The following RXYLT1 variants were observed in gnomAD, a reference collection of about 807,000 sequenced individuals.
RXYLT1 encodes the protein ribitol xylosyltransferase 1, also known as ribitol-5-phosphate xylosyltransferase 1.
Under a neutral mutation model 43.5 loss-of-function variants are expected in RXYLT1, and 41 were observed. That is an observed-to-expected ratio of 0.94 (90% CI 0.73 to 1.22). RXYLT1 has a LOEUF of 1.22. RXYLT1 is among the 50% of genes most tolerant of loss of function. The pLI is 0.00. For missense variants in RXYLT1, 514 were observed against 532.0 expected, an observed-to-expected ratio of 0.97 and a Z score of 0.33; for synonymous variants, 166 against 194.4, an observed-to-expected ratio of 0.85 and a Z score of 1.21.
intron 1 of RXYLT1, chr12:63,780,332 C>G: frequency 7.7e-7 from 1 of 1,292,228 alleles, no homozygotes; most frequent in South Asian, 2.7e-5. Flanking sequence ...ATCTCACACG[C>G]CGTCCCCGCT....
At chr12:63,795,688 A>T (rs1483122700) in intron 3 of RXYLT1, 5 of 152,094 alleles carry the variant, frequency 3.3e-5, no homozygotes, top group African/African-American at 1.2e-4. Flanking sequence ...AAAATGTATA[A>T]TAATTGAACC....
chr12:63,794,468 T>G (rs1397076225), intron 3 of RXYLT1, among the ~76,000 whole-genome samples: 2 of 152,208 alleles, frequency 1.3e-5, no homozygotes, highest in African/African-American at 4.8e-5. Context: ...CATTAATTCA[T>G]TTCTACCAAA....
intron 2 of RXYLT1, among the ~76,000 whole-genome samples, 193 bp downstream of exon 2, chr12:63,781,367 A>T (rs1897680673): frequency 6.6e-6 from 1 of 152,230 alleles, no homozygotes; most frequent in African/African-American, 2.4e-5. Flanking sequence ...ACACACATAC[A>T]TATTCCACTG....
intron 3 of RXYLT1, 59 bp downstream of exon 3, chr12:63,785,131 C>A: frequency 8.4e-7 from 1 of 1,185,420 alleles, no homozygotes; most frequent in Non-Finnish European, 1.2e-6. Flanking sequence ...GCAATATTTT[C>A]TGTAAATACT....
In RXYLT1 at chr12:63,809,125, A is replaced by C; in HGVS notation, c.*33A>C. The stretch of plus-strand genomic sequence containing the variant: ...TTTGAGCTAACATGTGATTTTTAAA[A>C]TCATTTTGACTACTGGGTGTATAAA... On this transcript the variant is annotated 3_prime_UTR_variant, in exon 6 of 6. Coordinates refer to ENST00000261234, the MANE Select transcript of RXYLT1 (RefSeq NM_014254.3). 1 of 1,402,356 alleles carries C rather than the reference A, an allele frequency of 7.1e-7. No individual in the cohort carries two copies. Among genetic ancestry groups the C allele is most frequent in the Non-Finnish European group, 9.6e-7 (1 of 1,039,898 alleles). The allele number at this position is 1,402,356 out of a possible 1,614,324, so 86.9% of individuals were successfully genotyped here. A position where few individuals can be genotyped will look rare whatever the true frequency, so the allele number is the denominator to read the frequency against.
In RXYLT1 at chr12:63,790,711, C is replaced by T. The variant is rs145620772; in HGVS notation, c.428+5639C>T. Among the ~76,000 whole-genome samples, 895 of 152,206 alleles carry T rather than the reference C, an allele frequency of 5.9e-3. 9 individuals carry two copies. The highest frequency in any genetic ancestry group is 0.021 in the African/African-American group (856 of 41,512). Reference sequence around the variant, plus strand: ...CTAACTGACCTCATGATCCACCTGCCTTGGCCTCCAAAAGTGCTGGGATTA... The same window carrying T: ...CTAACTGACCTCATGATCCACCTGCTTTGGCCTCCAAAAGTGCTGGGATTA... On this transcript the variant is annotated intron_variant, in intron 3 of 5. Transcript: ENST00000261234.
chr12:63,787,436 T>TAAAG (rs1897829182), intron 3 of RXYLT1, among the ~76,000 whole-genome samples: 1 of 152,148 alleles, frequency 6.6e-6, no homozygotes, highest in African/African-American at 2.4e-5. Context: ...TCCATGAGGG[T>TAAAG]TTAAATCAGC....
intron 3 of RXYLT1, among the ~76,000 whole-genome samples, chr12:63,793,685 G>A (rs1897967447): frequency 6.6e-6 from 1 of 152,144 alleles, no homozygotes; most frequent in Non-Finnish European, 1.5e-5. Flanking sequence ...TAGAAATGGA[G>A]AGAAGTGGGG....
At position 63,781,118 on chromosome 12, in the gene RXYLT1, A is replaced by G; in HGVS notation, c.269A>G (p.Lys90Arg). The stretch of plus-strand genomic sequence containing the variant: ...AAAACTAGCCTTCAAATATTAGATA[A>G]ATCCACGAAAGGAAAAACAGATCTC... ...RFKTSLQILDKSTKGKTDLSV... is the reference protein window; with the variant it reads ...RFKTSLQILDRSTKGKTDLSV... The change falls in exon 2 of 6, where the codon AAA becomes AGA. Residue 90 changes from lysine (K) to arginine (R), a missense_variant. By Grantham distance (26) the Lys-to-Arg change is conservative. Coordinates refer to ENST00000261234, the MANE Select transcript of RXYLT1 (RefSeq NM_014254.3). 6.2e-7 allele frequency: 1 copy of G among 1,608,900 alleles called. No homozygotes were observed. The highest frequency in any genetic ancestry group is 8.5e-7 in the Non-Finnish European group (1 of 1,178,118).
At chr12:63,803,813 A>G (rs1189871408) in intron 4 of RXYLT1, 3 of 147,334 alleles carry the variant, frequency 2.0e-5, no homozygotes, top group Non-Finnish European at 4.5e-5. Context: ...ACCAGGGGCA[A>G]TTTTGCCCAC....
chr12:63,802,959 A>G (rs969945660), intron 4 of RXYLT1, among the ~76,000 whole-genome samples: 1 of 151,642 alleles, frequency 6.6e-6, no homozygotes, highest in Admixed American at 6.6e-5. Context: ...GCTCGAGTCC[A>G]GGAGTTCAAG....
chr12:63,785,142 AAAAG>A (rs747704831), intron 3 of RXYLT1, 70 bp downstream of exon 3: 12 of 1,021,706 alleles, frequency 1.2e-5, no homozygotes, highest in African/African-American at 6.5e-5. Flanking sequence ...TGTAAATACT[AAAAG>A]AAAAATAATA....
At chr12:63,787,705 G>T (rs567453690) in intron 3 of RXYLT1, among the ~76,000 whole-genome samples, 22 of 152,142 alleles carry the variant, frequency 1.4e-4, no homozygotes, top group African/African-American at 5.3e-4. Context: ...TCAGCTTCCT[G>T]CAACTTGCGC....
In RXYLT1 at chr12:63,792,732, T is replaced by C. The variant is rs1025123371; in HGVS notation, c.428+7660T>C. 2.4e-4 allele frequency among the ~76,000 whole-genome samples: 36 copies of C among 152,326 alleles called. 2 individuals are homozygous for C. The East Asian group carries it at 6.4e-3, about 27-fold the overall frequency. On this transcript the variant is annotated intron_variant, in intron 3 of 5. Transcript: ENST00000261234. ...AATCCTCAGAACCACCCTGTGCAGC[T>C]GGTGGTATTACTCCCATTTTGCAAT...
At chr12:63,780,157 G>C in intron 1 of RXYLT1, 28 bp downstream of exon 1, 2 of 1,436,368 alleles carry the variant, frequency 1.4e-6, no homozygotes, top group South Asian at 3.0e-5. Flanking sequence ...GCTTCCTTCC[G>C]GCTCTGCGCT....
At chr12:63,780,631 T>C (rs1260173628) in intron 1 of RXYLT1, among the ~76,000 whole-genome samples, 1 of 152,226 alleles carries the variant, frequency 6.6e-6, no homozygotes, top group East Asian at 1.9e-4. Context: ...CGATAGTATC[T>C]AAGACTGGTG....
chr12:63,780,990 C>T, intron 1 of RXYLT1, 29 bp from the exon 2 acceptor site: 4 of 1,496,996 alleles, frequency 2.7e-6, no homozygotes, highest in Non-Finnish European at 3.6e-6. Context: ...TAATACCTTA[C>T]TGGTAAACAC....
chr12:63,792,414 A>G (rs1486174553), intron 3 of RXYLT1, among the ~76,000 whole-genome samples: 1 of 152,232 alleles, frequency 6.6e-6, no homozygotes, highest in African/African-American at 2.4e-5. Context: ...TAGTCAACAT[A>G]AAGAAATGAG....
chr12:63,800,581 T>C (rs1466529033), intron 3 of RXYLT1, among the ~76,000 whole-genome samples: 3 of 152,192 alleles, frequency 2.0e-5, no homozygotes, highest in Non-Finnish European at 4.4e-5. Flanking sequence ...AAATGAGTTA[T>C]GATACATGTC....
Sources: allele counts gnomAD v4.1 joint callset (sites outside exome capture counted in the v4.1 genomes callset), GRCh38; gene constraint gnomAD v4.1.1; transcripts MANE v1.5; gene names NCBI Gene and HGNC (gene_info 2026-07-23, HGNC 2026-07-21).